The following ESR1 variants were observed in gnomAD, a reference collection of about 807,000 sequenced individuals.
ESR1 encodes estrogen receptor 1.
A neutral mutation model predicts 52.7 loss-of-function variants in ESR1; 12 were observed. The observed-to-expected ratio is 0.23, with a 90% CI of 0.15 to 0.37. The LOEUF (loss-of-function observed/expected upper bound fraction) is 0.37. Ranked by LOEUF, ESR1 falls within the 10% of genes least tolerant of loss-of-function variation. The probability of loss-of-function intolerance (pLI) is 1.00; values close to 1 mark genes in which losing one functional copy is unlikely to be tolerated. For missense variants in ESR1, 584 were observed against 779.7 expected (o/e 0.75, Z 2.99); for synonymous variants, 305 against 316.8 (o/e 0.96, Z 0.39).
chr6:151,911,538 C>G (rs1287812334), intron 3 of ESR1, among the ~76,000 whole-genome samples: 1 of 152,146 alleles, frequency 6.6e-6, no homozygotes, highest in African/African-American at 2.4e-5. Flanking sequence ...AACATTCTCT[C>G]AAATCAATCA....
At chr6:151,752,586 A>G (rs904388289) in intron 2 of ESR1, among the ~76,000 whole-genome samples, 3 of 152,128 alleles carry the variant, frequency 2.0e-5, no homozygotes, top group African/African-American at 7.2e-5. Flanking sequence ...CAAAATTGCA[A>G]AACTGTAGAA....
chr6:151,786,483 T>C (rs1787034633), intron 2 of ESR1, among the ~76,000 whole-genome samples: 1 of 152,164 alleles, frequency 6.6e-6, no homozygotes, highest in Non-Finnish European at 1.5e-5. Flanking sequence ...TAGAGAGTCA[T>C]TGATGAAACA....
Position 151,944,507 on chromosome 6 carries a change from A to G in ESR1, c.1095A>G (p.Pro365=), listed in dbSNP as rs756964907. ...VHMINWAKRV[P]GFVDLTLHDQ... is the part of the protein sequence containing the mutation. ...TGATCAACTGGGCGAAGAGGGTGCC[A>G]GGTAAGAATGCGAAGCGCAGCTTTT... Residue 365 remains proline, a splice_region_variant and synonymous_variant, in exon 4 of 8, where the codon CCA becomes CCG. Transcript: ENST00000206249. 11 of 1,614,132 alleles carry G rather than the reference A, an allele frequency of 6.8e-6. No individual in the cohort carries two copies. The South Asian group carries it at 1.1e-4, about 16-fold the overall frequency.
chr6:151,745,960 G>A (rs1783448747), intron 2 of ESR1, among the ~76,000 whole-genome samples: 3 of 152,102 alleles, frequency 2.0e-5, no homozygotes, highest in Admixed American at 1.3e-4. Context: ...TACTACTTTA[G>A]ATACCTCATA....
At chr6:152,054,441 C>T (rs1000951183) in intron 5 of ESR1, among the ~76,000 whole-genome samples, 1 of 152,066 alleles carries the variant, frequency 6.6e-6, no homozygotes, top group Non-Finnish European at 1.5e-5. Context: ...TTTATCACCA[C>T]GGTGCTGTCT....
chr6:152,048,130 G>A (rs558862132), intron 5 of ESR1, among the ~76,000 whole-genome samples: 15 of 151,726 alleles, frequency 9.9e-5, no homozygotes, highest in African/African-American at 2.7e-4. Context: ...CAGCACTTTC[G>A]GACGCCGAGG....
chr6:151,929,869 T>C (rs997638348), intron 3 of ESR1, among the ~76,000 whole-genome samples: 78 of 152,324 alleles, frequency 5.1e-4, no homozygotes, highest in African/African-American at 1.8e-3. Flanking sequence ...AATAAACCTG[T>C]GTTTATTAAC....
chr6:151,935,846 G>A (rs1313985032), intron 3 of ESR1, among the ~76,000 whole-genome samples: 6 of 152,070 alleles, frequency 3.9e-5, no homozygotes, highest in Non-Finnish European at 8.8e-5. Flanking sequence ...GTAACTTTAG[G>A]TGATTCTGAA....
At chr6:151,904,935 C>T (rs916264972) in intron 3 of ESR1, among the ~76,000 whole-genome samples, 1 of 151,960 alleles carries the variant, frequency 6.6e-6, no homozygotes, top group Admixed American at 6.6e-5. Flanking sequence ...CCCACTGAGA[C>T]GATGGGAAAG....
intron 1 of ESR1, among the ~76,000 whole-genome samples, chr6:151,675,936 T>G (rs1778235810): frequency 6.6e-6 from 1 of 152,104 alleles, no homozygotes. Flanking sequence ...CTGGCTGTGG[T>G]CTCCAGAAGG....
At chr6:151,763,144 T>C (rs914868873) in intron 2 of ESR1, among the ~76,000 whole-genome samples, 3 of 152,176 alleles carry the variant, frequency 2.0e-5, no homozygotes, top group Non-Finnish European at 4.4e-5. Context: ...GCCTTATATG[T>C]TGTGTAATAT....
At chr6:152,039,114 T>C (rs1327166020) in intron 5 of ESR1, among the ~76,000 whole-genome samples, 2 of 152,256 alleles carry the variant, frequency 1.3e-5, no homozygotes, top group African/African-American at 2.4e-5. Context: ...GTAGCTGTTA[T>C]TGATGACTAC....
intron 2 of ESR1, among the ~76,000 whole-genome samples, chr6:151,857,112 C>T (rs912453958): frequency 6.6e-6 from 1 of 152,048 alleles, no homozygotes; most frequent in African/African-American, 2.4e-5. Context: ...AAGTACAGTC[C>T]ACCCTCCATG....
At chr6:151,970,244 C>G (rs1490873909) in intron 4 of ESR1, among the ~76,000 whole-genome samples, 1 of 152,084 alleles carries the variant, frequency 6.6e-6, no homozygotes, top group East Asian at 1.9e-4. Flanking sequence ...TAGTAGAAAA[C>G]AGCAGTTAAT....
chr6:151,940,845 A>G (rs1295169923), intron 3 of ESR1, among the ~76,000 whole-genome samples: 1 of 152,252 alleles, frequency 6.6e-6, no homozygotes, highest in African/African-American at 2.4e-5. Context: ...TCTTCCGTGA[A>G]TATACATTGT....
chr6:152,081,437 G>A (rs1220441424), intron 6 of ESR1, among the ~76,000 whole-genome samples: 1 of 151,910 alleles, frequency 6.6e-6, no homozygotes, highest in African/African-American at 2.4e-5. Flanking sequence ...TGAGAACAAG[G>A]ACACAATGTA....
rs556275579 is a variant in ESR1, at chr6:151,831,554, G to A, written c.453-11043G>A. 5.9e-5 allele frequency among the ~76,000 whole-genome samples: 9 copies of A among 152,224 alleles called. 2 individuals carry two copies. In the South Asian group the frequency reaches 1.9e-3, roughly 32 times the overall value. On this transcript the variant is annotated intron_variant, in intron 1 of 7. Coordinates refer to ENST00000206249, the MANE Select transcript of ESR1 (RefSeq NM_000125.4). ...TTGCTCTTGGGTTGTGAGCCCTTTG[G>A]GTGGGCTCCCAAGGATCCTGCTCTC... is the stretch of plus-strand genomic sequence containing the variant.
intron 1 of ESR1, among the ~76,000 whole-genome samples, chr6:151,838,890 AT>A (rs1377239473): frequency 1.3e-5 from 2 of 152,152 alleles, no homozygotes; most frequent in African/African-American, 4.8e-5. Context: ...GATGAATGGC[AT>A]TTTGCTGACA....
intron 2 of ESR1, among the ~76,000 whole-genome samples, chr6:151,739,196 C>G (rs979619050): frequency 3.3e-5 from 5 of 152,150 alleles, no homozygotes; most frequent in African/African-American, 1.2e-4. Flanking sequence ...GATTTCTAGT[C>G]TTTAAAATAG....
Sources: gnomAD v4.1 joint callset for allele counts (sites outside exome capture counted in the v4.1 genomes callset) on GRCh38, gnomAD v4.1.1 for gene constraint, MANE v1.5 for transcripts, NCBI Gene and HGNC (gene_info 2026-07-23, HGNC 2026-07-21) for gene names.